Variants in SMAD2 observed in about 807,000 individuals in gnomAD.
SMAD2 encodes the protein SMAD family member 2, also known as MAD homolog 2.
A neutral mutation model predicts 64.4 loss-of-function variants in SMAD2; 8 were observed. The observed-to-expected ratio is 0.12, with a 90% confidence interval of 0.07 to 0.22. The LOEUF (loss-of-function observed/expected upper bound fraction) is 0.22, where lower values mean the gene tolerates loss of function less well. Among genes scored for constraint, SMAD2 ranks in the 10% least tolerant of loss-of-function variants. The pLI is 1.00. For synonymous variants in SMAD2, 203 were observed against 195.8 expected, an observed-to-expected ratio of 1.04 and a Z score of -0.31; for missense variants, 289 against 561.2, an observed-to-expected ratio of 0.51 and a Z score of 4.90.
intron 1 of SMAD2, among the ~76,000 whole-genome samples, chr18:47,912,674 T>C (rs7241854): frequency 1.5e-3 from 229 of 152,228 alleles, no homozygotes; most frequent in African/African-American, 5.4e-3. Context: ...TCCACAATTA[T>C]ATCCTCAGAA....
At chr18:47,850,444 ATATATAT>A (rs1285085811) in intron 7 of SMAD2, among the ~76,000 whole-genome samples, 1 of 21,082 alleles carries the variant, frequency 4.7e-5, no homozygotes, top group Admixed American at 1.1e-3. Context: ...ATTATGTATA[ATATATAT>A]TATATATTAT....
chr18:47,922,668 G>A (rs1262668104), intron 1 of SMAD2: 4 of 151,944 alleles, frequency 2.6e-5, no homozygotes, highest in Non-Finnish European at 5.9e-5. Context: ...ACAAGGCAGA[G>A]AAAAAAACAG....
intron 6 of SMAD2, among the ~76,000 whole-genome samples, chr18:47,861,318 CCTT>C (rs748202458): frequency 4.6e-5 from 7 of 152,036 alleles, no homozygotes; most frequent in Non-Finnish European, 8.8e-5. Context: ...GAGTGAAACT[CCTT>C]CTCAAAAAAC....
chr18:47,918,446 CA>C (rs1437254313), intron 1 of SMAD2, among the ~76,000 whole-genome samples: 4 of 152,162 alleles, frequency 2.6e-5, no homozygotes. Flanking sequence ...AGTTTACCAA[CA>C]AACAGCCTGC....
intron 1 of SMAD2, among the ~76,000 whole-genome samples, chr18:47,906,383 C>T (rs564141656): frequency 6.6e-6 from 1 of 152,070 alleles, no homozygotes; most frequent in Non-Finnish European, 1.5e-5. Flanking sequence ...TTAAAAATCA[C>T]ACAAAAAGGT....
chr18:47,889,540 G>C (rs951352609), intron 2 of SMAD2, among the ~76,000 whole-genome samples: 1 of 152,124 alleles, frequency 6.6e-6, no homozygotes, highest in Non-Finnish European at 1.5e-5. Context: ...GGGAGGCCGA[G>C]GTGGGCGGAT....
At chr18:47,913,290 T>C (rs1208542589) in intron 1 of SMAD2, among the ~76,000 whole-genome samples, 1 of 152,218 alleles carries the variant, frequency 6.6e-6, no homozygotes, top group Non-Finnish European at 1.5e-5. Context: ...AAAAGTTTTC[T>C]ATAAAACCTT....
In SMAD2 at chr18:47,871,888, C is replaced by A. The variant is rs1792685; in HGVS notation, c.237-1324G>T. Among the ~76,000 whole-genome samples, 5 of 151,290 alleles carry A rather than the reference C, an allele frequency of 3.3e-5. No homozygotes were observed. The South Asian group carries it at 1.0e-3, about 31-fold the overall frequency. Reference sequence around the variant, plus strand: ...ACCTCAATTCTACAGACTTCTGAGTCTATTAAAGAAATGGTATACAGGAGA... The same window carrying A: ...ACCTCAATTCTACAGACTTCTGAGTATATTAAAGAAATGGTATACAGGAGA... On this transcript the variant is annotated intron_variant, in intron 2 of 10. Coordinates refer to ENST00000262160, the MANE Select transcript of SMAD2 (RefSeq NM_005901.6).
At position 47,823,285 on chromosome 18, in the gene SMAD2, T is replaced by C. The variant is rs1418553637; in HGVS notation, c.*18542A>G. ...TTTAAATCTGAGATTACTGTGACCA[T>C]ACTACTATTCTTGCAGACAAAATCT... On this transcript the variant is annotated 3_prime_UTR_variant, in exon 11 of 11. Coordinates refer to ENST00000262160, the MANE Select transcript of SMAD2 (RefSeq NM_005901.6). 6.6e-6 allele frequency: 1 copy of C among 152,214 alleles called. No homozygotes were observed. The highest frequency in any genetic ancestry group is 1.5e-5 in the Non-Finnish European group (1 of 68,038). 9.4% of individuals were successfully genotyped at this position (152,214 alleles called of 1,614,324 possible).
rs1326540117 is a variant in SMAD2 at position 47,839,545 on chromosome 18, T to C, written c.*2282A>G. 1 of 233,148 alleles carries C rather than the reference T, an allele frequency of 4.3e-6. No homozygotes were observed. Among genetic ancestry groups the C allele is most frequent in the Non-Finnish European group, 8.5e-6 (1 of 117,998 alleles). The allele number at this position is 233,148 out of a possible 1,614,324, so 14.4% of individuals were successfully genotyped here. A position where few individuals can be genotyped will look rare whatever the true frequency, so the allele number is the denominator to read the frequency against. On this transcript the variant is annotated 3_prime_UTR_variant, in exon 11 of 11. Transcript: ENST00000262160. ...CAGTGAGAGCTTACACAACAAAAGC[T>C]TGTTAAATTAAGTAGTACTGATGTG...
At chr18:47,881,079 T>G (rs917495800) in intron 2 of SMAD2, among the ~76,000 whole-genome samples, 1 of 107,334 alleles carries the variant, frequency 9.3e-6, no homozygotes, top group East Asian at 5.8e-4. Flanking sequence ...ACAAAAGCTG[T>G]AAAACAGAAA....
chr18:47,874,705 AAAAGATCTGTAAT>A (rs2032158272), intron 2 of SMAD2, among the ~76,000 whole-genome samples: 1 of 152,296 alleles, frequency 6.6e-6, no homozygotes, highest in East Asian at 1.9e-4. Flanking sequence ...AGGACAGGTA[AAAAGATCTGTAAT>A]TACTCACTAA....
At chr18:47,886,963 T>C (rs1372121175) in intron 2 of SMAD2, 1 of 152,022 alleles carries the variant, frequency 6.6e-6, no homozygotes, top group East Asian at 1.8e-4. Flanking sequence ...TAAAATGGCA[T>C]GTATTTCACG....
chr18:47,845,571 A>G (rs2144289109), intron 9 of SMAD2, 87 bp from the exon 10 acceptor site: 1 of 1,564,190 alleles, frequency 6.4e-7, no homozygotes, highest in Non-Finnish European at 8.8e-7. Context: ...TTAGAATATG[A>G]GCATGCAATC....
At chr18:47,858,008 G>A (rs966912816) in intron 6 of SMAD2, among the ~76,000 whole-genome samples, 1 of 152,144 alleles carries the variant, frequency 6.6e-6, no homozygotes, top group African/African-American at 2.4e-5. Flanking sequence ...AATCCTAAGG[G>A]CAGGGAAAGG....
chr18:47,920,377 C>T (rs762982951), intron 1 of SMAD2, among the ~76,000 whole-genome samples: 4 of 152,092 alleles, frequency 2.6e-5, no homozygotes, highest in Non-Finnish European at 4.4e-5. Context: ...ATTCGCAATC[C>T]GTATTAAAAA....
At chr18:47,851,247 G>A in intron 7 of SMAD2, 27 bp downstream of exon 7, 1 of 1,504,958 alleles carries the variant, frequency 6.6e-7, no homozygotes, top group Non-Finnish European at 9.2e-7. Context: ...GTATAAAAAT[G>A]ATGAGGGGAA....
chr18:47,839,008 G>A lies in SMAD2; in HGVS notation c.*2819C>T, dbSNP rs1913690019. ...AAAATGAAAACCACACCTATAAATG[G>A]GGGGAGGGGCAGAAAACAAAAAAAA... On this transcript the variant is annotated 3_prime_UTR_variant, in exon 11 of 11. Transcript: ENST00000262160. 5.0e-6 allele frequency: 1 copy of A among 198,692 alleles called. No individual in the cohort carries two copies. The highest frequency in any genetic ancestry group is 9.4e-6 in the Non-Finnish European group (1 of 106,012). The allele number at this position is 198,692 out of a possible 1,614,324, so 12.3% of individuals were successfully genotyped here.
chr18:47,846,997 A>C (rs912207613), intron 8 of SMAD2, among the ~76,000 whole-genome samples: 1 of 152,164 alleles, frequency 6.6e-6, no homozygotes, highest in East Asian at 1.9e-4. Context: ...GAAAACACTA[A>C]GTCCAAAAAG....
Sources: gnomAD v4.1 joint callset for allele counts (sites outside exome capture counted in the v4.1 genomes callset) on GRCh38, gnomAD v4.1.1 for gene constraint, MANE v1.5 for transcripts, NCBI Gene and HGNC (gene_info 2026-07-23, HGNC 2026-07-21) for gene names.